PDE8B: variants seen among roughly 807,000 people sequenced by gnomAD.
PDE8B encodes the protein high affinity cAMP-specific and IBMX-insensitive 3',5'-cyclic phosphodiesterase 8B.
A neutral mutation model predicts 101.3 loss-of-function variants in PDE8B; 26 were observed. That is an observed-to-expected ratio of 0.26 (90% CI 0.19 to 0.36). PDE8B has a LOEUF of 0.36. Ranked by LOEUF, PDE8B falls within the 10% of genes least tolerant of loss-of-function variation. The pLI, the probability that PDE8B is intolerant of heterozygous loss-of-function variation, is 1.00. For synonymous variants in PDE8B, 424 were observed against 429.3 expected (o/e 0.99, Z 0.15); for missense variants, 810 against 1,163.1 (o/e 0.70, Z 4.42).
At chr5:77,126,398 T>C in the PDE8B span, among the ~76,000 whole-genome samples, 1 of 152,224 alleles carries the variant, frequency 6.6e-6, no homozygotes, top group African/African-American at 2.4e-5. Flanking sequence ...AATTCAGTTT[T>C]GAAAAGTGAG....
chr5:77,271,179 A>G lies in PDE8B; in HGVS notation c.340-40815A>G, dbSNP rs543570580. On this transcript the variant is annotated intron_variant, in intron 1 of 21. Transcript: ENST00000264917. Reference sequence around the variant, plus strand: ...ATGGCAGTTTATAAAAGACCATAAGATCTCCCTATTCCAGGATCAATGGTA... The same window carrying G: ...ATGGCAGTTTATAAAAGACCATAAGGTCTCCCTATTCCAGGATCAATGGTA... Among the ~76,000 whole-genome samples, 20 of 152,290 alleles carry G rather than the reference A, an allele frequency of 1.3e-4. No individual in the cohort carries two copies. The East Asian group carries it at 3.9e-3, about 29-fold the overall frequency.
intron 10 of PDE8B, among the ~76,000 whole-genome samples, chr5:77,388,713 G>T (rs1789262260): frequency 6.6e-6 from 1 of 152,190 alleles, no homozygotes; most frequent in Non-Finnish European, 1.5e-5. Context: ...GGAGATGGGG[G>T]TTTTATCTAT....
In PDE8B at chr5:77,351,207, A is replaced by T. The variant is rs1407166125; in HGVS notation, c.1106+54A>T. The T allele has an allele frequency of 2.3e-6, 3 of 1,306,670 alleles. No homozygotes were observed. The East Asian group carries it at 6.9e-5, about 30-fold the overall frequency. 80.9% of individuals were successfully genotyped at this position (1,306,670 alleles called of 1,614,324 possible). A position where few individuals can be genotyped will look rare whatever the true frequency, so the allele number is the denominator to read the frequency against. Reference sequence around the variant, plus strand: ...CTGAAGATAAAGACTCAAGGCCCTCATGGGCATTGGGCTTGAAATGCCAGT... The same window carrying T: ...CTGAAGATAAAGACTCAAGGCCCTCTTGGGCATTGGGCTTGAAATGCCAGT... On this transcript the variant is annotated intron_variant, in intron 9 of 21. Transcript: ENST00000264917.
intron 10 of PDE8B, among the ~76,000 whole-genome samples, chr5:77,378,591 T>C (rs1213180404): frequency 2.6e-5 from 4 of 151,676 alleles, no homozygotes; most frequent in Admixed American, 6.6e-5. Context: ...AATGGCAAAA[T>C]GTAGATTCCA....
At chr5:77,254,874 C>G (rs894229918) in intron 1 of PDE8B, among the ~76,000 whole-genome samples, 3 of 152,136 alleles carry the variant, frequency 2.0e-5, no homozygotes, top group Non-Finnish European at 4.4e-5. Flanking sequence ...TCTCTGTAGC[C>G]TTAGGGGAGT....
intron 10 of PDE8B, among the ~76,000 whole-genome samples, chr5:77,385,695 G>A (rs965239433): frequency 2.0e-5 from 3 of 151,536 alleles, no homozygotes; most frequent in African/African-American, 7.3e-5. Flanking sequence ...TGGTTTAAAA[G>A]AACATCTTTA....
At chr5:77,255,778 A>G (rs1759016628) in intron 1 of PDE8B, among the ~76,000 whole-genome samples, 1 of 152,304 alleles carries the variant, frequency 6.6e-6, no homozygotes, top group African/African-American at 2.4e-5. Flanking sequence ...GTCATGGTAC[A>G]TTCAGCCAGC....
intron 2 of PDE8B, among the ~76,000 whole-genome samples, chr5:77,322,294 A>C (rs994334917): frequency 1.3e-5 from 2 of 152,210 alleles, no homozygotes; most frequent in Non-Finnish European, 2.9e-5. Context: ...TCTAGGAATT[A>C]GCAACCCTGA....
the PDE8B span, among the ~76,000 whole-genome samples, chr5:77,190,762 C>T: frequency 0.07 from 10,614 of 152,256 alleles, 1,254 homozygotes; most frequent in African/African-American, 0.24. Flanking sequence ...GAGGCCTTCC[C>T]TTGCAGAATT....
chr5:77,336,937 A>T (rs1778300575), intron 5 of PDE8B, among the ~76,000 whole-genome samples: 1 of 152,238 alleles, frequency 6.6e-6, no homozygotes, highest in Admixed American at 6.5e-5. Context: ...AAAGTGTTTC[A>T]GTCATTTACA....
chr5:77,247,006 G>C (rs1160196866), intron 1 of PDE8B, among the ~76,000 whole-genome samples: 2 of 152,190 alleles, frequency 1.3e-5, no homozygotes. Context: ...GTTGTTATAA[G>C]GATTATATTT....
the PDE8B span, among the ~76,000 whole-genome samples, chr5:77,202,405 GCTTA>G: frequency 7.2e-5 from 11 of 152,050 alleles, no homozygotes; most frequent in Non-Finnish European, 1.0e-4. Flanking sequence ...TTCCTCCTCA[GCTTA>G]CTTAACATGA....
intron 1 of PDE8B, among the ~76,000 whole-genome samples, chr5:77,227,615 T>G (rs1414326411): frequency 1.3e-5 from 2 of 152,134 alleles, no homozygotes; most frequent in Non-Finnish European, 2.9e-5. Context: ...TGCCTGTGCA[T>G]GTCCATAAGA....
chr5:77,215,309 C>G (rs1252398392), intron 1 of PDE8B, among the ~76,000 whole-genome samples: 1 of 152,268 alleles, frequency 6.6e-6, no homozygotes, highest in South Asian at 2.1e-4. Flanking sequence ...TCTTGCTAGG[C>G]CTTTCACCAT....
chr5:77,418,577 C>T (rs1796023543), intron 18 of PDE8B, 131 bp downstream of exon 18: 1 of 735,074 alleles, frequency 1.4e-6, no homozygotes, highest in Non-Finnish European at 2.4e-6. Flanking sequence ...ATAACCTTGC[C>T]CTTAACTTAA....
chr5:77,205,487 G>A (rs1747421664), upstream of PDE8B, among the ~76,000 whole-genome samples: 1 of 151,824 alleles, frequency 6.6e-6, no homozygotes, highest in South Asian at 2.1e-4. Flanking sequence ...CTTTACAAAT[G>A]TGTAGGCATT....
chr5:77,127,323 G>A, the PDE8B span, among the ~76,000 whole-genome samples: 3 of 152,044 alleles, frequency 2.0e-5, no homozygotes, highest in Admixed American at 6.5e-5. Flanking sequence ...GGGTTCTCAC[G>A]AGATCTGATG....
chr5:77,403,261 T>C (rs574984004), intron 11 of PDE8B, among the ~76,000 whole-genome samples: 2 of 152,338 alleles, frequency 1.3e-5, no homozygotes, highest in Non-Finnish European at 2.9e-5. Flanking sequence ...CCAAAATTCT[T>C]TAAATGTTTG....
chr5:77,137,314 G>GGA, the PDE8B span, among the ~76,000 whole-genome samples: 1 of 152,330 alleles, frequency 6.6e-6, no homozygotes, highest in Non-Finnish European at 1.5e-5. Context: ...AGGACCCACA[G>GGA]GGGTGAACAA....
Sources: allele counts gnomAD v4.1 joint callset (sites outside exome capture counted in the v4.1 genomes callset), GRCh38; gene constraint gnomAD v4.1.1; transcripts MANE v1.5; gene names NCBI Gene and HGNC (gene_info 2026-07-23, HGNC 2026-07-21).